RORB: variants seen among roughly 807,000 people sequenced by gnomAD.
The protein encoded by RORB is nuclear receptor ROR-beta.
A neutral mutation model predicts 59.1 loss-of-function variants in RORB; 6 were observed. That is an observed-to-expected ratio of 0.10 (90% CI 0.06 to 0.20). The LOEUF is 0.20. RORB is among the 10% of genes least tolerant of loss of function. The probability of loss-of-function intolerance (pLI) is 1.00; values close to 1 mark genes in which losing one functional copy is unlikely to be tolerated. For missense variants in RORB, 320 were observed against 560.5 expected, an observed-to-expected ratio of 0.57 and a Z score of 4.33; for synonymous variants, 215 against 204.5, an observed-to-expected ratio of 1.05 and a Z score of -0.44.
Position 74,653,107 on chromosome 9 carries a change from G to C in RORB, c.638-7510G>C, listed in dbSNP as rs1055986886. Among the ~76,000 whole-genome samples the C allele has an allele frequency of 2.6e-5, 4 of 152,122 alleles. No individual in the cohort carries two copies. The East Asian group carries it at 5.8e-4, about 22-fold the overall frequency. Reference sequence around the variant, plus strand: ...CTGTCTAATGACAGAAAACAAAACTGGCTGTCTGTTTTGAAAAAGGAAAAT... The same window carrying C: ...CTGTCTAATGACAGAAAACAAAACTCGCTGTCTGTTTTGAAAAAGGAAAAT... On this transcript the variant is annotated intron_variant, in intron 4 of 9. Coordinates refer to ENST00000376896, the MANE Select transcript of RORB (RefSeq NM_006914.4).
chr9:74,583,111 C>T (rs1439515380), intron 1 of RORB, among the ~76,000 whole-genome samples: 1 of 152,156 alleles, frequency 6.6e-6, no homozygotes, highest in African/African-American at 2.4e-5. Context: ...CCTCTACCCA[C>T]CCTCTTTCCC....
chr9:74,586,207 T>C (rs893304675), intron 1 of RORB, among the ~76,000 whole-genome samples: 1 of 152,112 alleles, frequency 6.6e-6, no homozygotes, highest in African/African-American at 2.4e-5. Context: ...TGTAGAGAAG[T>C]GTATTTTGGG....
At chr9:74,617,268 C>G (rs7046169) in intron 1 of RORB, among the ~76,000 whole-genome samples, 145,929 of 152,264 alleles carry the variant, frequency 0.96, 70,246 homozygotes, top group East Asian at 1. Context: ...TCAAATATTA[C>G]TATAGATCTC....
chr9:74,590,914 GC>G (rs1822878749), intron 1 of RORB, among the ~76,000 whole-genome samples: 1 of 151,966 alleles, frequency 6.6e-6, no homozygotes, highest in Non-Finnish European at 1.5e-5. Context: ...CTCTCCCTCA[GC>G]CCCCCACGTA....
chr9:74,578,999 G>A (rs947144368), intron 1 of RORB, among the ~76,000 whole-genome samples: 4 of 152,114 alleles, frequency 2.6e-5, no homozygotes, highest in African/African-American at 9.7e-5. Flanking sequence ...ATATATATGA[G>A]TAGATGAATG....
intron 1 of RORB, among the ~76,000 whole-genome samples, chr9:74,506,446 T>C (rs987255225): frequency 1.3e-5 from 2 of 152,098 alleles, no homozygotes; most frequent in African/African-American, 4.8e-5. Flanking sequence ...AGTGAGTTGC[T>C]GATCAGGCTG....
Position 74,593,097 on chromosome 9 carries a change from T to C in RORB, c.8-37185T>C, listed in dbSNP as rs77341917. Among the ~76,000 whole-genome samples the C allele has an allele frequency of 6.4e-3, 975 of 152,264 alleles. 10 individuals are homozygous for C. Among genetic ancestry groups the C allele is most frequent in the African/African-American group, 0.022 (920 of 41,548 alleles). ...TGATGTCTTCCCCAGATACATACCA[T>C]AAGTTTTGCTTAATTCAACTCAACA... On this transcript the variant is annotated intron_variant, in intron 1 of 9. Coordinates refer to ENST00000376896, the MANE Select transcript of RORB (RefSeq NM_006914.4).
At chr9:74,617,967 A>T (rs530308137) in intron 1 of RORB, among the ~76,000 whole-genome samples, 1 of 152,318 alleles carries the variant, frequency 6.6e-6, no homozygotes, top group Admixed American at 6.5e-5. Flanking sequence ...TTATTTCAAG[A>T]TTCAATTCTG....
At chr9:74,502,751 T>C (rs1825819481) in intron 1 of RORB, among the ~76,000 whole-genome samples, 1 of 152,076 alleles carries the variant, frequency 6.6e-6, no homozygotes, top group East Asian at 1.9e-4. Flanking sequence ...ATTTAAGCCT[T>C]ACGACTAAAC....
chr9:74,617,234 T>C (rs1823328318), intron 1 of RORB, among the ~76,000 whole-genome samples: 1 of 152,196 alleles, frequency 6.6e-6, no homozygotes, highest in Admixed American at 6.6e-5. Context: ...AGCTAACAAA[T>C]GGAACAACCG....
At chr9:74,615,177 T>C (rs368429311) in intron 1 of RORB, among the ~76,000 whole-genome samples, 2 of 152,368 alleles carry the variant, frequency 1.3e-5, no homozygotes, top group East Asian at 3.9e-4. Context: ...GAAGAAAATT[T>C]ATGTTGTACT....
At chr9:74,567,292 G>T (rs1413406001) in intron 1 of RORB, among the ~76,000 whole-genome samples, 1 of 152,138 alleles carries the variant, frequency 6.6e-6, no homozygotes, top group African/African-American at 2.4e-5. Flanking sequence ...CTCCCAAAGT[G>T]CTGGAATTAT....
intron 9 of RORB, 110 bp downstream of exon 9, chr9:74,672,011 A>G (rs1824354554): frequency 1.6e-6 from 1 of 609,626 alleles, no homozygotes; most frequent in Non-Finnish European, 2.9e-6. Flanking sequence ...TCTGAAAGTT[A>G]CCAAAGACTG....
At chr9:74,519,856 A>G (rs1050237666) in intron 1 of RORB, among the ~76,000 whole-genome samples, 5 of 152,030 alleles carry the variant, frequency 3.3e-5, no homozygotes, top group African/African-American at 1.2e-4. Flanking sequence ...CATGCCTGAC[A>G]AGCTGTGCCC....
chr9:74,638,107 T>C (rs182893895), intron 3 of RORB, among the ~76,000 whole-genome samples: 14 of 152,310 alleles, frequency 9.2e-5, no homozygotes, highest in African/African-American at 2.9e-4. Context: ...ACCAGTTTCA[T>C]TGGTAAGCAG....
rs1282725471 is a variant in RORB, at chr9:74,667,913, T to C, written c.1111+12T>C. 5 of 1,504,398 alleles carry C rather than the reference T, an allele frequency of 3.3e-6. No homozygotes were observed. Among genetic ancestry groups the C allele is most frequent in the Non-Finnish European group, 4.6e-6 (5 of 1,079,756 alleles). The allele number at this position is 1,504,398 out of a possible 1,614,324, so 93.2% of individuals were successfully genotyped here. ...TCTGATATCTCCAGGTAGGGCAGTC[T>C]CAGTTCTCTTACCTTTTTAAAAAAC... On this transcript the variant is annotated intron_variant, in intron 8 of 9. Coordinates refer to ENST00000376896, the MANE Select transcript of RORB (RefSeq NM_006914.4).
At chr9:74,553,728 A>G (rs866144158) in intron 1 of RORB, among the ~76,000 whole-genome samples, 2 of 152,188 alleles carry the variant, frequency 1.3e-5, no homozygotes, top group Non-Finnish European at 2.9e-5. Context: ...TGCACTTTCA[A>G]TTATTTTACA....
At chr9:74,630,476 C>T (rs1823597715) in intron 2 of RORB, 109 bp downstream of exon 2, 1 of 615,810 alleles carries the variant, frequency 1.6e-6, no homozygotes, top group Non-Finnish European at 2.6e-6. Flanking sequence ...ATCCTTCTGC[C>T]TGCTGCTGAC....
At chr9:74,634,186 C>T (rs760221961) in intron 2 of RORB, among the ~76,000 whole-genome samples, 1 of 152,124 alleles carries the variant, frequency 6.6e-6, no homozygotes, top group Non-Finnish European at 1.5e-5. Flanking sequence ...GCATACTCCT[C>T]AGTGTTGCTT....
Sources: gnomAD v4.1 joint callset for allele counts (sites outside exome capture counted in the v4.1 genomes callset) on GRCh38, gnomAD v4.1.1 for gene constraint, MANE v1.5 for transcripts, NCBI Gene and HGNC (gene_info 2026-07-23, HGNC 2026-07-21) for gene names.